Variants in NIM1K observed in about 807,000 individuals in gnomAD.
The protein encoded by NIM1K is serine/threonine-protein kinase NIM1.
Under a neutral mutation model 37.1 loss-of-function variants are expected in NIM1K, and 35 were observed. The observed-to-expected ratio is 0.94, with a 90% CI of 0.72 to 1.25. The LOEUF (loss-of-function observed/expected upper bound fraction) is 1.25. Ranked by LOEUF, NIM1K falls within the 50% of genes most tolerant of loss-of-function variation. The pLI is 0.00. For missense variants in NIM1K, 564 were observed against 548.0 expected (o/e 1.03, Z -0.29); for synonymous variants, 234 against 206.6 (o/e 1.13, Z -1.14).
chr5:43,232,375 G>A (rs755688268), intron 1 of NIM1K: 8 of 1,380,126 alleles, frequency 5.8e-6, no homozygotes, highest in South Asian at 1.2e-5. Context: ...CCAGACGGAA[G>A]TGGATGGGGG....
intron 2 of NIM1K, among the ~76,000 whole-genome samples, chr5:43,256,409 A>C (rs1752947523): frequency 6.6e-6 from 1 of 152,266 alleles, no homozygotes; most frequent in African/African-American, 2.4e-5. Flanking sequence ...AAATACTCAA[A>C]AGGTTAGGTA....
chr5:43,226,191 G>T (rs1247201023), intron 1 of NIM1K, among the ~76,000 whole-genome samples: 2 of 152,228 alleles, frequency 1.3e-5, no homozygotes, highest in African/African-American at 4.8e-5. Flanking sequence ...AAGGGTTTTA[G>T]CTTTTACTCT....
chr5:43,231,876 T>A lies in NIM1K; in HGVS notation c.-694-13206T>A, dbSNP rs1752544475. On this transcript the variant is annotated intron_variant, in intron 1 of 3. Coordinates refer to ENST00000326035, the MANE Select transcript of NIM1K (RefSeq NM_153361.4). Reference sequence around the variant, plus strand: ...AGAATCCACACCAACCTCCTTATAATCCTTCTCAAGGGCAGTCATGTCCTC... The same window carrying A: ...AGAATCCACACCAACCTCCTTATAAACCTTCTCAAGGGCAGTCATGTCCTC... 6.8e-6 allele frequency: 8 copies of A among 1,182,300 alleles called. No homozygotes were observed. The Admixed American group carries it at 1.5e-4, about 23-fold the overall frequency. 73.2% of individuals were successfully genotyped at this position (1,182,300 alleles called of 1,614,324 possible).
At chr5:43,247,834 C>T (rs559213573) in intron 2 of NIM1K, among the ~76,000 whole-genome samples, 4 of 152,280 alleles carry the variant, frequency 2.6e-5, no homozygotes, top group African/African-American at 9.6e-5. Flanking sequence ...TTCCATGCTA[C>T]GTTTAACTTT....
intron 2 of NIM1K, among the ~76,000 whole-genome samples, chr5:43,270,031 T>G (rs1261420673): frequency 6.6e-6 from 1 of 152,224 alleles, no homozygotes; most frequent in Non-Finnish European, 1.5e-5. Flanking sequence ...TAGAATTTTG[T>G]GTATGGCTGG....
intron 2 of NIM1K, among the ~76,000 whole-genome samples, chr5:43,270,367 CTT>C (rs1188759036): frequency 6.6e-6 from 1 of 152,106 alleles, no homozygotes; most frequent in Non-Finnish European, 1.5e-5. Flanking sequence ...GTAAAGGAGT[CTT>C]AGCTAGGCCT....
intron 2 of NIM1K, among the ~76,000 whole-genome samples, chr5:43,263,579 A>AT (rs1021015368): frequency 9.4e-5 from 14 of 149,270 alleles, no homozygotes; most frequent in South Asian, 2.1e-4. Context: ...GGATTCATTG[A>AT]TTTTTTTATT....
intron 2 of NIM1K, among the ~76,000 whole-genome samples, chr5:43,260,434 A>G (rs1387315967): frequency 6.6e-6 from 1 of 152,154 alleles, no homozygotes; most frequent in Non-Finnish European, 1.5e-5. Context: ...TGTTTTTGTC[A>G]TAAAGCAATG....
intron 1 of NIM1K, among the ~76,000 whole-genome samples, chr5:43,241,741 T>C (rs1034290331): frequency 2.0e-5 from 3 of 152,048 alleles, no homozygotes; most frequent in Admixed American, 2.0e-4. Flanking sequence ...CCTATCAGGT[T>C]ATCATTTGAT....
At chr5:43,195,103 G>C (rs1751893698) in intron 1 of NIM1K, among the ~76,000 whole-genome samples, 1 of 152,126 alleles carries the variant, frequency 6.6e-6, no homozygotes, top group Non-Finnish European at 1.5e-5. Flanking sequence ...AGGACAAACT[G>C]TTCATAAAAT....
chr5:43,249,070 T>A (rs1204855206), intron 2 of NIM1K, among the ~76,000 whole-genome samples: 1 of 149,322 alleles, frequency 6.7e-6, no homozygotes, highest in East Asian at 2.0e-4. Flanking sequence ...ATTTATTTAT[T>A]TATTTATTTA....
chr5:43,257,437 G>T (rs992483783), intron 2 of NIM1K, among the ~76,000 whole-genome samples: 1 of 145,768 alleles, frequency 6.9e-6, no homozygotes, highest in African/African-American at 2.6e-5. Context: ...GCATGATCTC[G>T]GCTCACTGCA....
chr5:43,248,287 T>C (rs567336974), intron 2 of NIM1K, among the ~76,000 whole-genome samples: 1 of 152,358 alleles, frequency 6.6e-6, no homozygotes, highest in African/African-American at 2.4e-5. Context: ...AACTTAGCTG[T>C]GGCTGAATCA....
rs377154068 is a variant in NIM1K at position 43,232,921 on chromosome 5, T to C, written c.-694-12161T>C. The C allele has an allele frequency of 6.1e-6, 7 of 1,156,636 alleles. No individual in the cohort carries two copies. The East Asian group carries it at 7.0e-5, about 12-fold the overall frequency. The allele number at this position is 1,156,636 out of a possible 1,614,324, so 71.6% of individuals were successfully genotyped here. A position where few individuals can be genotyped will look rare whatever the true frequency, so the allele number is the denominator to read the frequency against. ...GAGCTGCTCAGGGTGGAAGAGCTGG[T>C]TGTAGGTGCCAGTGCAAACTTCATC... On this transcript the variant is annotated intron_variant, in intron 1 of 3. Coordinates refer to ENST00000326035, the MANE Select transcript of NIM1K (RefSeq NM_153361.4).
intron 2 of NIM1K, among the ~76,000 whole-genome samples, chr5:43,264,868 T>C (rs1031062152): frequency 3.3e-5 from 5 of 152,232 alleles, no homozygotes; most frequent in African/African-American, 1.2e-4. Flanking sequence ...TATTTCTTCT[T>C]CACTTATGAA....
At chr5:43,198,535 C>G (rs1751969858) in intron 1 of NIM1K, among the ~76,000 whole-genome samples, 1 of 151,682 alleles carries the variant, frequency 6.6e-6, no homozygotes, top group African/African-American at 2.4e-5. Context: ...AAAGAGCGGA[C>G]TTTATTAAGT....
chr5:43,247,834 C>G (rs559213573), intron 2 of NIM1K, among the ~76,000 whole-genome samples: 2 of 152,162 alleles, frequency 1.3e-5, no homozygotes, highest in African/African-American at 4.8e-5. Context: ...TTCCATGCTA[C>G]GTTTAACTTT....
At chr5:43,230,752 G>C (rs777305274) in intron 1 of NIM1K, among the ~76,000 whole-genome samples, 104 of 152,144 alleles carry the variant, frequency 6.8e-4, no homozygotes, top group Admixed American at 1.9e-3. Context: ...ATGAAGGGGG[G>C]ATAACAACCC....
intron 1 of NIM1K, among the ~76,000 whole-genome samples, chr5:43,239,715 C>T (rs1021999700): frequency 2.6e-5 from 4 of 151,852 alleles, no homozygotes; most frequent in African/African-American, 7.3e-5. Flanking sequence ...TTAGTAGAGA[C>T]GGGGTTTCAC....
Sources: allele counts gnomAD v4.1 joint callset (sites outside exome capture counted in the v4.1 genomes callset), GRCh38; gene constraint gnomAD v4.1.1; transcripts MANE v1.5; gene names NCBI Gene and HGNC (gene_info 2026-07-23, HGNC 2026-07-21).